Variants in LARS2 observed in about 807,000 individuals in gnomAD.
LARS2 encodes the protein leucyl-tRNA synthetase 2, mitochondrial, also known as leucine--tRNA ligase, mitochondrial.
A neutral mutation model predicts 116.6 loss-of-function variants in LARS2; 81 were observed. That is an observed-to-expected ratio of 0.69 (90% confidence interval 0.58 to 0.84). The LOEUF (loss-of-function observed/expected upper bound fraction) is 0.84. Ranked by LOEUF, LARS2 falls within the 40% of genes least tolerant of loss-of-function variation. The pLI is 0.00. For synonymous variants in LARS2, 396 were observed against 407.2 expected (o/e 0.97, Z 0.33); for missense variants, 968 against 1,114.5 (o/e 0.87, Z 1.87).
chr3:45,504,886 C>T (rs1157356452), intron 15 of LARS2, among the ~76,000 whole-genome samples: 1 of 151,342 alleles, frequency 6.6e-6, no homozygotes, highest in Admixed American at 6.6e-5. Context: ...TCGAGACCAG[C>T]CTGGCCAACA....
intron 5 of LARS2, among the ~76,000 whole-genome samples, chr3:45,418,521 A>G (rs1187365702): frequency 6.6e-6 from 1 of 152,238 alleles, no homozygotes; most frequent in Non-Finnish European, 1.5e-5. Context: ...CTTATGTTTG[A>G]TATAAGGTAG....
In LARS2 at chr3:45,508,410, A is replaced by G. The variant is rs1575302061; in HGVS notation, c.1761-4725A>G. Among the ~76,000 whole-genome samples, 3 of 152,232 alleles carry G rather than the reference A, an allele frequency of 2.0e-5. No homozygotes were observed. The South Asian group carries it at 6.2e-4, about 32-fold the overall frequency. On this transcript the variant is annotated intron_variant, in intron 15 of 21. Transcript: ENST00000645846. ...CCTTCTGCGCCACTAACTGGCTGCTAGGAAATGGGAATGGTGATATTTCAA... is the reference window on the plus strand; with the variant it reads ...CCTTCTGCGCCACTAACTGGCTGCTGGGAAATGGGAATGGTGATATTTCAA...
intron 19 of LARS2, among the ~76,000 whole-genome samples, chr3:45,520,532 A>G (rs973828627): frequency 6.6e-6 from 1 of 152,206 alleles, no homozygotes; most frequent in South Asian, 2.1e-4. Flanking sequence ...AGATGAGGAC[A>G]TTGAGGCCCA....
At chr3:45,413,079 T>C (rs917667454) in intron 4 of LARS2, among the ~76,000 whole-genome samples, 1 of 152,228 alleles carries the variant, frequency 6.6e-6, no homozygotes, top group African/African-American at 2.4e-5. Flanking sequence ...AGTACTTGAT[T>C]GGCCCTTTGA....
intron 2 of LARS2, among the ~76,000 whole-genome samples, chr3:45,391,865 G>T (rs968864430): frequency 6.6e-6 from 1 of 152,192 alleles, no homozygotes; most frequent in East Asian, 1.9e-4. Context: ...TTGTTGTGTA[G>T]ACAGACAGTG....
At chr3:45,409,511 A>C (rs554293632) in intron 4 of LARS2, among the ~76,000 whole-genome samples, 1 of 152,208 alleles carries the variant, frequency 6.6e-6, no homozygotes, top group African/African-American at 2.4e-5. Flanking sequence ...TAAATAGGCC[A>C]TAACAACTTG....
At chr3:45,538,658 A>G (rs1700747084) in intron 20 of LARS2, among the ~76,000 whole-genome samples, 1 of 152,206 alleles carries the variant, frequency 6.6e-6, no homozygotes, top group Non-Finnish European at 1.5e-5. Context: ...GCTCCTAAGG[A>G]GTCTTCACTT....
At chr3:45,418,369 C>T (rs775872196) in intron 5 of LARS2, among the ~76,000 whole-genome samples, 1 of 152,212 alleles carries the variant, frequency 6.6e-6, no homozygotes, top group African/African-American at 2.4e-5. Context: ...CTATGGCATC[C>T]AGGTCTCTTT....
At chr3:45,460,140 A>G (rs900054872) in intron 8 of LARS2, among the ~76,000 whole-genome samples, 3 of 152,260 alleles carry the variant, frequency 2.0e-5, no homozygotes, top group African/African-American at 7.2e-5. Flanking sequence ...CATGTCTTAA[A>G]TGAGGTTGTT....
At position 45,504,396 on chromosome 3, in the gene LARS2, T is replaced by C. The variant is rs973468657; in HGVS notation, c.1760+3817T>C. On this transcript the variant is annotated intron_variant, in intron 15 of 21. Transcript: ENST00000645846. ...CCCTTCACTTAACCCTCGGACCAGA[T>C]GGCCGACTCTGCACATGCATGCATG... 7.0e-4 allele frequency among the ~76,000 whole-genome samples: 106 copies of C among 152,062 alleles called. 2 individuals are homozygous for C. The highest frequency in any genetic ancestry group is 2.4e-4 in the Non-Finnish European group (16 of 67,982).
At chr3:45,491,851 G>A in intron 13 of LARS2, 51 bp downstream of exon 13, 18 of 1,546,992 alleles carry the variant, frequency 1.2e-5, no homozygotes, top group Non-Finnish European at 1.6e-5. Flanking sequence ...CCCCATACCT[G>A]CTAGGGCTTC....
intron 20 of LARS2, among the ~76,000 whole-genome samples, chr3:45,534,109 A>T (rs1700663957): frequency 6.6e-6 from 1 of 152,298 alleles, no homozygotes; most frequent in South Asian, 2.1e-4. Flanking sequence ...ACAGATCTAT[A>T]GCAACTCATT....
chr3:45,426,107 A>C (rs974019277), intron 6 of LARS2, among the ~76,000 whole-genome samples: 3 of 152,170 alleles, frequency 2.0e-5, no homozygotes, highest in African/African-American at 7.2e-5. Context: ...CAAAGTGAAA[A>C]TTAATATTAC....
rs267266 is a variant in LARS2, at chr3:45,547,919, A to G, written c.*389A>G. On this transcript the variant is annotated 3_prime_UTR_variant, in exon 22 of 22. Coordinates refer to ENST00000645846, the MANE Select transcript of LARS2 (RefSeq NM_015340.4). Reference sequence around the variant, plus strand: ...TCTGGGAAATGGCTCTGCCTTAGGCACTTCTCGGGAATTTGAGGCCAGCCT... The same window carrying G: ...TCTGGGAAATGGCTCTGCCTTAGGCGCTTCTCGGGAATTTGAGGCCAGCCT... 0.89 allele frequency: 144,866 copies of G among 162,854 alleles called. 66,835 individuals carry two copies. Among genetic ancestry groups the G allele is most frequent in the East Asian group, 1 (5,641 of 5,642 alleles). 10.1% of individuals were successfully genotyped at this position (162,854 alleles called of 1,614,324 possible).
At chr3:45,536,729 G>A (rs1160229053) in intron 20 of LARS2, among the ~76,000 whole-genome samples, 2 of 152,194 alleles carry the variant, frequency 1.3e-5, no homozygotes, top group African/African-American at 4.8e-5. Context: ...ATGTCTATAC[G>A]TGTTTTGTAA....
intron 2 of LARS2, among the ~76,000 whole-genome samples, chr3:45,393,349 G>C (rs1014026809): frequency 6.6e-6 from 1 of 152,128 alleles, no homozygotes; most frequent in Non-Finnish European, 1.5e-5. Flanking sequence ...GGCCAAGGTG[G>C]GTGGATCATG....
At chr3:45,474,407 G>A in intron 9 of LARS2, 57 bp downstream of exon 9, 1 of 1,175,708 alleles carries the variant, frequency 8.5e-7, no homozygotes, top group Non-Finnish European at 1.2e-6. Context: ...TCTACATTTG[G>A]GACTCACTGA....
chr3:45,532,152 A>G (rs895766700), intron 20 of LARS2, among the ~76,000 whole-genome samples: 1 of 152,350 alleles, frequency 6.6e-6, no homozygotes, highest in East Asian at 1.9e-4. Context: ...AATGCTGGCT[A>G]CAGGCAGTCA....
At chr3:45,460,142 G>A (rs562924953) in intron 8 of LARS2, among the ~76,000 whole-genome samples, 1 of 152,222 alleles carries the variant, frequency 6.6e-6, no homozygotes, top group African/African-American at 2.4e-5. Context: ...TGTCTTAAAT[G>A]AGGTTGTTTT....
Sources: gnomAD v4.1 joint callset for allele counts (sites outside exome capture counted in the v4.1 genomes callset) on GRCh38, gnomAD v4.1.1 for gene constraint, MANE v1.5 for transcripts, NCBI Gene and HGNC (gene_info 2026-07-23, HGNC 2026-07-21) for gene names.